SMARCC1: variants seen among roughly 807,000 people sequenced by gnomAD.
SMARCC1 encodes SWI/SNF related BAF chromatin remodeling complex subunit C1, also known as SWI/SNF complex subunit SMARCC1.
In SMARCC1, 43 loss-of-function variants were observed where a neutral mutation model predicts 147.4. That is an observed-to-expected ratio of 0.29 (90% confidence interval 0.23 to 0.38). SMARCC1 has a LOEUF of 0.38. Ranked by LOEUF, SMARCC1 falls within the 10% of genes least tolerant of loss-of-function variation. The pLI is 1.00. For synonymous variants in SMARCC1, 495 were observed against 484.4 expected (o/e 1.02, Z -0.29); for missense variants, 1,119 against 1,381.1 (o/e 0.81, Z 3.01).
chr3:47,702,843 CTACCT>C (rs2106789150), intron 10 of SMARCC1, among the ~76,000 whole-genome samples: 2 of 152,282 alleles, frequency 1.3e-5, no homozygotes, highest in African/African-American at 4.8e-5. Flanking sequence ...AGCCATCCTC[CTACCT>C]TGGCCTCCCA....
At chr3:47,593,336 T>G (rs2032217392) in intron 26 of SMARCC1, among the ~76,000 whole-genome samples, 1 of 151,802 alleles carries the variant, frequency 6.6e-6, no homozygotes, top group Non-Finnish European at 1.5e-5. Context: ...CATACCCGGA[T>G]AATTTTTGCA....
At chr3:47,721,274 C>T (rs2034229773) in intron 6 of SMARCC1, among the ~76,000 whole-genome samples, 1 of 152,162 alleles carries the variant, frequency 6.6e-6, no homozygotes, top group African/African-American at 2.4e-5. Flanking sequence ...ACTATTTTTA[C>T]TATTCTTTCA....
At chr3:47,773,007 G>GTACC in intron 1 of SMARCC1, 71 bp from the exon 2 acceptor site, 1 of 1,431,254 alleles carries the variant, frequency 7.0e-7, no homozygotes, top group Admixed American at 1.8e-5. Context: ...TTACTTCCTA[G>GTACC]TACCTACTAA....
At chr3:47,600,997 A>AGGAGAGAGAGAG (rs1559622849) in intron 26 of SMARCC1, among the ~76,000 whole-genome samples, 2 of 28,884 alleles carry the variant, frequency 6.9e-5, no homozygotes, top group Non-Finnish European at 1.4e-4. Flanking sequence ...GAGGAAGAAA[A>AGGAGAGAGAGAG]TGAGAGAGAG....
At chr3:47,697,118 T>C (rs1415850762) in intron 11 of SMARCC1, among the ~76,000 whole-genome samples, 1 of 152,136 alleles carries the variant, frequency 6.6e-6, no homozygotes, top group Non-Finnish European at 1.5e-5. Context: ...CTCAGGAGTT[T>C]GAGACCAGCT....
intron 1 of SMARCC1, among the ~76,000 whole-genome samples, chr3:47,777,228 G>A (rs1485977065): frequency 1.3e-5 from 2 of 149,614 alleles, no homozygotes; most frequent in Non-Finnish European, 3.0e-5. Context: ...GATTACAGGC[G>A]CACGCCACCA....
At chr3:47,591,810 G>A (rs1014918422) in intron 26 of SMARCC1, among the ~76,000 whole-genome samples, 27 of 152,274 alleles carry the variant, frequency 1.8e-4, no homozygotes, top group African/African-American at 6.3e-4. Context: ...CTCCCAAAGT[G>A]CTGGGATTAC....
intron 3 of SMARCC1, 72 bp downstream of exon 3, chr3:47,745,836 C>G (rs768871811): frequency 2.0e-5 from 18 of 898,852 alleles, no homozygotes; most frequent in Non-Finnish European, 2.5e-5. Context: ...ACAGGATTTT[C>G]TAACACAAGG....
chr3:47,703,813 T>C (rs1208293615), intron 10 of SMARCC1, among the ~76,000 whole-genome samples: 1 of 152,314 alleles, frequency 6.6e-6, no homozygotes, highest in East Asian at 1.9e-4. Flanking sequence ...GTTTTTGTTT[T>C]TGAGATAGAG....
chr3:47,747,007 G>A (rs757694788), intron 2 of SMARCC1, among the ~76,000 whole-genome samples: 1 of 151,958 alleles, frequency 6.6e-6, no homozygotes, highest in Non-Finnish European at 1.5e-5. Flanking sequence ...TGTGATTACA[G>A]GCATGAGCCA....
chr3:47,637,250 T>A (rs1044179155), intron 22 of SMARCC1, among the ~76,000 whole-genome samples: 3 of 152,196 alleles, frequency 2.0e-5, no homozygotes, highest in African/African-American at 7.2e-5. Context: ...ATATCGTCTT[T>A]AGAATAATGC....
chr3:47,701,225 T>C lies in SMARCC1; in HGVS notation c.1165+53A>G, dbSNP rs562649763. On this transcript the variant is annotated intron_variant, in intron 11 of 27. Transcript: ENST00000254480. ...GCAAGCAATGAATCATCCCATGGTA[T>C]TGCTGAGAATGACTAAATTAAATCT... 111 of 1,530,676 alleles carry C rather than the reference T, an allele frequency of 7.3e-5. 1 individual carries two copies. The African/African-American group carries it at 8.2e-4, about 11-fold the overall frequency. 94.8% of individuals were successfully genotyped at this position (1,530,676 alleles called of 1,614,324 possible).
intron 25 of SMARCC1, among the ~76,000 whole-genome samples, chr3:47,621,076 C>T (rs1027015683): frequency 1.3e-5 from 2 of 152,018 alleles, no homozygotes; most frequent in African/African-American, 4.8e-5. Context: ...CTGAGGTGGG[C>T]AGATCATGAG....
intron 7 of SMARCC1, among the ~76,000 whole-genome samples, chr3:47,718,873 T>C (rs1431128494): frequency 6.6e-6 from 1 of 152,112 alleles, no homozygotes; most frequent in African/African-American, 2.4e-5. Flanking sequence ...CCTATTTCCA[T>C]GTGCACTATG....
intron 6 of SMARCC1, among the ~76,000 whole-genome samples, chr3:47,723,406 G>A (rs1348743103): frequency 6.6e-5 from 9 of 137,142 alleles, no homozygotes; most frequent in African/African-American, 2.4e-4. Context: ...TGTTGCCCAG[G>A]CTGGAGTGCA....
At chr3:47,598,891 A>C (rs1037310271) in intron 26 of SMARCC1, among the ~76,000 whole-genome samples, 3 of 151,660 alleles carry the variant, frequency 2.0e-5, no homozygotes, top group Admixed American at 2.0e-4. Context: ...ACACACACAG[A>C]GACAAAGACA....
intron 17 of SMARCC1, among the ~76,000 whole-genome samples, chr3:47,675,959 A>T (rs2033567382): frequency 6.6e-6 from 1 of 151,860 alleles, no homozygotes; most frequent in Non-Finnish European, 1.5e-5. Context: ...AAAAAAAAAA[A>T]GTTTAATATT....
Position 47,635,185 on chromosome 3 carries a change from C to T in SMARCC1, c.2646+5G>A, listed in dbSNP as rs531588082. The T allele has an allele frequency of 6.2e-7, 1 of 1,613,312 alleles. No homozygotes were observed. The highest frequency in any genetic ancestry group is 1.3e-5 in the African/African-American group (1 of 75,022). On this transcript the variant is annotated splice_donor_5th_base_variant and intron_variant, in intron 24 of 27. Transcript: ENST00000254480. ...AGCACTGGAAAAGGGCTGTCAGGGG[C>T]AAACCTTGGCTTTGGTAGCCGCTGA...
chr3:47,658,640 G>T (rs73083150), intron 21 of SMARCC1, among the ~76,000 whole-genome samples: 8,575 of 152,220 alleles, frequency 0.056, 455 homozygotes, highest in South Asian at 0.15. Context: ...CCATTGTATG[G>T]ATATACCACA....
Sources: allele counts gnomAD v4.1 joint callset (sites outside exome capture counted in the v4.1 genomes callset), GRCh38; gene constraint gnomAD v4.1.1; transcripts MANE v1.5; gene names NCBI Gene and HGNC (gene_info 2026-07-23, HGNC 2026-07-21).